PDE9A: variants seen among roughly 807,000 people sequenced by gnomAD.
PDE9A encodes the protein high affinity cGMP-specific 3',5'-cyclic phosphodiesterase 9A.
PDE9A carries 60 observed loss-of-function variants against 87.4 expected under a neutral mutation model. The ratio of observed to expected loss-of-function variants is 0.69; its 90% confidence interval spans 0.56 to 0.85. The LOEUF (loss-of-function observed/expected upper bound fraction) is 0.85. Among genes scored for constraint, PDE9A ranks in the 40% least tolerant of loss-of-function variants. PDE9A has a pLI of 0.00. For missense variants in PDE9A, 665 were observed against 779.0 expected (o/e 0.85, Z 1.74); for synonymous variants, 272 against 279.4 (o/e 0.97, Z 0.27).
chr21:42,718,153 G>A (rs149671956), intron 4 of PDE9A, among the ~76,000 whole-genome samples: 10 of 151,654 alleles, frequency 6.6e-5, no homozygotes, highest in African/African-American at 2.2e-4. Context: ...CACCCACCTC[G>A]GGCTCCCAAA....
chr21:42,737,607 G>A (rs571833826), intron 7 of PDE9A, among the ~76,000 whole-genome samples: 3 of 152,194 alleles, frequency 2.0e-5, no homozygotes, highest in South Asian at 2.1e-4. Flanking sequence ...ATAGCTGCCC[G>A]CCACCATGTC....
intron 3 of PDE9A, among the ~76,000 whole-genome samples, chr21:42,698,496 TG>T (rs1362851609): frequency 6.6e-6 from 1 of 151,618 alleles, no homozygotes; most frequent in Non-Finnish European, 1.5e-5. Context: ...CTCGTGATGA[TG>T]GGGGGAGGGG....
At chr21:42,654,670 G>A (rs1335456594) in intron 1 of PDE9A, among the ~76,000 whole-genome samples, 1 of 152,212 alleles carries the variant, frequency 6.6e-6, no homozygotes, top group African/African-American at 2.4e-5. Context: ...TGCCCACGGA[G>A]TACTCCACTG....
At chr21:42,721,937 C>T (rs1485970503) in intron 4 of PDE9A, among the ~76,000 whole-genome samples, 1 of 151,856 alleles carries the variant, frequency 6.6e-6, no homozygotes, top group African/African-American at 2.4e-5. Flanking sequence ...AATAAGAGAC[C>T]CCTTTTACCC....
intron 4 of PDE9A, among the ~76,000 whole-genome samples, chr21:42,699,629 C>T (rs1235956361): frequency 6.6e-6 from 1 of 151,866 alleles, no homozygotes; most frequent in Non-Finnish European, 1.5e-5. Context: ...GATCTCGGCT[C>T]ACTGCAACCT....
intron 19 of PDE9A, 21 bp from the exon 20 acceptor site, chr21:42,775,259 T>G: frequency 6.2e-7 from 1 of 1,611,902 alleles, no homozygotes; most frequent in Non-Finnish European, 8.5e-7. Flanking sequence ...AACAAATCAG[T>G]CATCGTTTCC....
intron 13 of PDE9A, among the ~76,000 whole-genome samples, 154 bp from the exon 14 acceptor site, chr21:42,761,929 T>C (rs1194098831): frequency 6.6e-6 from 1 of 152,012 alleles, no homozygotes; most frequent in Non-Finnish European, 1.5e-5. Context: ...AGGAGGGACC[T>C]CCTGGCCAGG....
intron 1 of PDE9A, among the ~76,000 whole-genome samples, chr21:42,676,888 A>G (rs781024875): frequency 4.6e-5 from 7 of 152,246 alleles, no homozygotes; most frequent in Non-Finnish European, 1.0e-4. Flanking sequence ...AAATAAAAAT[A>G]TGAGGCAGGG....
At chr21:42,755,778 G>A (rs1190782746) in intron 10 of PDE9A, among the ~76,000 whole-genome samples, 4 of 152,168 alleles carry the variant, frequency 2.6e-5, no homozygotes, top group African/African-American at 4.8e-5. Context: ...GTGGGCAACC[G>A]CCGCACCTCA....
intron 4 of PDE9A, among the ~76,000 whole-genome samples, chr21:42,710,396 G>A (rs1397089189): frequency 7.3e-5 from 10 of 137,214 alleles, no homozygotes; most frequent in Middle Eastern, 4.6e-3. Flanking sequence ...GCGACAGAGC[G>A]AGACTCCATC....
chr21:42,766,214 A>C (rs1221450746), intron 15 of PDE9A, among the ~76,000 whole-genome samples: 1 of 152,204 alleles, frequency 6.6e-6, no homozygotes, highest in African/African-American at 2.4e-5. Context: ...TGTGGTCCCA[A>C]CTGCTTGGGA....
chr21:42,709,352 G>A (rs2049104756), intron 4 of PDE9A, among the ~76,000 whole-genome samples: 1 of 152,148 alleles, frequency 6.6e-6, no homozygotes, highest in Admixed American at 6.6e-5. Context: ...TGCATGCTGG[G>A]CTTAATACCT....
At chr21:42,672,197 GGCCACGA>G (rs1196281843) in intron 1 of PDE9A, among the ~76,000 whole-genome samples, 2 of 152,216 alleles carry the variant, frequency 1.3e-5, no homozygotes, top group African/African-American at 4.8e-5. Flanking sequence ...ATCCCGTTAT[GGCCACGA>G]GCCCACCTCG....
chr21:42,722,132 T>C lies in PDE9A; in HGVS notation c.263-9638T>C, dbSNP rs776620096. ...CTGGGATTACAGGCACGTACCACCA[T>C]GCCCAGCTAATTTTTTTGTATTTTT... On this transcript the variant is annotated intron_variant, in intron 4 of 19. Transcript: ENST00000291539. This position sits in a 1 kb window ranked among gnomAD's most constrained non-coding sequence, Gnocchi z 4.1. 7.2e-4 allele frequency among the ~76,000 whole-genome samples: 109 copies of C among 152,164 alleles called. 1 individual carries two copies. The highest frequency in any genetic ancestry group is 9.7e-4 in the Non-Finnish European group (66 of 67,994).
rs1018196407 is a variant in PDE9A at position 42,692,133 on chromosome 21, C to A, written c.218+4139C>A. On this transcript the variant is annotated intron_variant, in intron 3 of 19. Coordinates refer to ENST00000291539, the MANE Select transcript of PDE9A (RefSeq NM_002606.3). This position sits in a 1 kb window ranked among gnomAD's most constrained non-coding sequence, Gnocchi z 4.3. Reference sequence around the variant, plus strand: ...GAAGGAAATTTCACCTTGCTCTCTGCTGGATTTCCAGCCCCTAAACGAGGC... The same window carrying A: ...GAAGGAAATTTCACCTTGCTCTCTGATGGATTTCCAGCCCCTAAACGAGGC... Among the ~76,000 whole-genome samples, 1 of 152,256 alleles carries A rather than the reference C, an allele frequency of 6.6e-6. No individual in the cohort carries two copies. The highest frequency in any genetic ancestry group is 1.5e-5 in the Non-Finnish European group (1 of 68,046).
chr21:42,733,504 A>C, intron 7 of PDE9A, 78 bp downstream of exon 7: 1 of 814,218 alleles, frequency 1.2e-6, no homozygotes, highest in Non-Finnish European at 2.2e-6. Flanking sequence ...AACGGGGAGG[A>C]GTTCAGTGCC....
chr21:42,742,114 G>C (rs1000823784), intron 7 of PDE9A, among the ~76,000 whole-genome samples: 1 of 152,144 alleles, frequency 6.6e-6, no homozygotes, highest in East Asian at 1.9e-4. Flanking sequence ...TTTAACGCTC[G>C]CTCGGAGGCA....
At chr21:42,686,867 A>C (rs1014328658) in intron 2 of PDE9A, among the ~76,000 whole-genome samples, 2 of 152,098 alleles carry the variant, frequency 1.3e-5, no homozygotes, top group African/African-American at 4.8e-5. Context: ...TCACTTCTTC[A>C]TTCACTTTTG....
At chr21:42,745,994 TG>T (rs1238406150) in intron 8 of PDE9A, among the ~76,000 whole-genome samples, 1 of 152,192 alleles carries the variant, frequency 6.6e-6, no homozygotes, top group Non-Finnish European at 1.5e-5. Context: ...CACCCACAAC[TG>T]TGTGTCCCTG....
Sources: allele counts gnomAD v4.1 joint callset (sites outside exome capture counted in the v4.1 genomes callset), GRCh38; gene constraint gnomAD v4.1.1; non-coding constraint Gnocchi (gnomAD v3.1); transcripts MANE v1.5; gene names NCBI Gene and HGNC (gene_info 2026-07-23, HGNC 2026-07-21).